The following VDR variants were observed in gnomAD, a reference collection of about 807,000 sequenced individuals.
VDR encodes vitamin D receptor.
In VDR, 19 loss-of-function variants were observed where a neutral mutation model predicts 39.7. That is an observed-to-expected ratio of 0.48 (90% CI 0.33 to 0.70). VDR has a LOEUF of 0.70. Ranked by LOEUF, VDR falls within the 30% of genes least tolerant of loss-of-function variation. The pLI, the probability that VDR is intolerant of heterozygous loss-of-function variation, is 0.02. For missense variants in VDR, 442 were observed against 570.5 expected, an observed-to-expected ratio of 0.77 and a Z score of 2.29; for synonymous variants, 242 against 215.8, an observed-to-expected ratio of 1.12 and a Z score of -1.07.
At chr12:47,856,895 T>C (rs1051960428) in intron 6 of VDR, among the ~76,000 whole-genome samples, 2 of 152,380 alleles carry the variant, frequency 1.3e-5, no homozygotes, top group African/African-American at 4.8e-5. Context: ...CCCGGGAGGC[T>C]GATGCTACAC....
At chr12:47,849,688 A>C (rs556468482) in intron 7 of VDR, among the ~76,000 whole-genome samples, 1 of 152,346 alleles carries the variant, frequency 6.6e-6, no homozygotes, top group African/African-American at 2.4e-5. Context: ...TAAAACACAA[A>C]AATGAACACC....
intron 4 of VDR, among the ~76,000 whole-genome samples, chr12:47,863,580 G>T (rs34725165): frequency 1.9e-3 from 297 of 152,328 alleles, no homozygotes; most frequent in African/African-American, 7.0e-3. Flanking sequence ...GAATGTGTGT[G>T]AAGCCTCTTA....
chr12:47,883,614 C>T (rs1475464140), intron 1 of VDR, among the ~76,000 whole-genome samples: 2 of 152,180 alleles, frequency 1.3e-5, no homozygotes, highest in African/African-American at 4.8e-5. Context: ...CATAGACAAA[C>T]AGACAGACAC....
chr12:47,896,817 T>G (rs1946472585), intron 1 of VDR: 1 of 152,320 alleles, frequency 6.6e-6, no homozygotes, highest in African/African-American at 2.4e-5. Flanking sequence ...CCAAAGAGGC[T>G]GGGCAGAAGT....
intron 2 of VDR, 139 bp from the exon 3 acceptor site, chr12:47,879,254 C>G: frequency 3.8e-6 from 4 of 1,042,648 alleles, no homozygotes; most frequent in Non-Finnish European, 5.4e-6. Context: ...GGGTGGGCAT[C>G]TCCCCAGGGC....
chr12:47,891,835 G>T (rs953158652), intron 1 of VDR, among the ~76,000 whole-genome samples: 1 of 152,276 alleles, frequency 6.6e-6, no homozygotes, highest in East Asian at 1.9e-4. Context: ...GGGACCTGAA[G>T]CTTGACTACC....
At chr12:47,858,833 A>G (rs1368124261) in intron 4 of VDR, among the ~76,000 whole-genome samples, 1 of 152,206 alleles carries the variant, frequency 6.6e-6, no homozygotes, top group Non-Finnish European at 1.5e-5. Context: ...AGAAAGGTCC[A>G]TTGGCCCAGG....
rs150035639 is a variant in VDR at position 47,879,764 on chromosome 12, C to G, written c.-2-649G>C. ...ACAATCAACATTTCAAGATATTTCC[C>G]CCCCCTTTTTTTGGCAATAACACTT... On this transcript the variant is annotated intron_variant, in intron 2 of 9. Coordinates refer to ENST00000549336, the MANE Select transcript of VDR (RefSeq NM_000376.3). 1.2e-4 allele frequency among the ~76,000 whole-genome samples: 19 copies of G among 152,292 alleles called. No individual in the cohort carries two copies. The East Asian group carries it at 3.7e-3, about 29-fold the overall frequency.
intron 3 of VDR, among the ~76,000 whole-genome samples, chr12:47,874,398 T>G (rs1213650040): frequency 2.0e-5 from 3 of 152,220 alleles, no homozygotes; most frequent in African/African-American, 7.2e-5. Flanking sequence ...CTGCCCTATT[T>G]CTCTGCTTCC....
At chr12:47,898,514 C>T (rs1388704680) in intron 1 of VDR, 1 of 153,146 alleles carries the variant, frequency 6.5e-6, no homozygotes, top group Non-Finnish European at 1.5e-5. Flanking sequence ...GGTATGTGCC[C>T]TACAGAAATT....
chr12:47,904,439 C>G (rs1946628094), intron 1 of VDR: 1 of 703,710 alleles, frequency 1.4e-6, no homozygotes, highest in Non-Finnish European at 2.1e-6. Flanking sequence ...TAGGTCTAAA[C>G]TCATTGGTAG....
intron 1 of VDR, among the ~76,000 whole-genome samples, chr12:47,902,041 G>A (rs1194794595): frequency 1.3e-5 from 2 of 152,222 alleles, no homozygotes; most frequent in African/African-American, 4.8e-5. Flanking sequence ...TTTCCCTTGA[G>A]CATTAAGCCT....
intron 4 of VDR, among the ~76,000 whole-genome samples, chr12:47,862,306 G>A (rs1364401485): frequency 6.6e-6 from 1 of 152,216 alleles, no homozygotes; most frequent in Non-Finnish European, 1.5e-5. Context: ...GCCTGGAAAT[G>A]CACAATGGAG....
chr12:47,892,828 T>G (rs748004952), intron 1 of VDR, among the ~76,000 whole-genome samples: 1 of 152,194 alleles, frequency 6.6e-6, no homozygotes, highest in Non-Finnish European at 1.5e-5. Context: ...TGCCTCATCT[T>G]GGTGAGAAAA....
At chr12:47,885,749 T>C (rs1014581261) in intron 1 of VDR, among the ~76,000 whole-genome samples, 1 of 152,184 alleles carries the variant, frequency 6.6e-6, no homozygotes, top group Non-Finnish European at 1.5e-5. Flanking sequence ...CAGGCTAGAG[T>C]GCAGTTGCAC....
intron 6 of VDR, among the ~76,000 whole-genome samples, chr12:47,856,553 TA>T (rs1169710785): frequency 1.4e-5 from 2 of 145,644 alleles, no homozygotes; most frequent in African/African-American, 5.1e-5. Flanking sequence ...CAATGCCATA[TA>T]AAAAAAAGCA....
chr12:47,854,323 C>T (rs1343865969), intron 7 of VDR, among the ~76,000 whole-genome samples: 2 of 151,772 alleles, frequency 1.3e-5, no homozygotes, highest in Non-Finnish European at 2.9e-5. Context: ...GAAGAGGTCT[C>T]ACTATGTTGA....
chr12:47,852,776 G>A (rs890598689), intron 7 of VDR, among the ~76,000 whole-genome samples: 2 of 152,148 alleles, frequency 1.3e-5, no homozygotes, highest in African/African-American at 2.4e-5. Flanking sequence ...TCACTGGCAA[G>A]GCATTAATTT....
chr12:47,846,240 T>C lies in VDR; in HGVS notation c.1024+95A>G, dbSNP rs547144319. 36 of 1,023,080 alleles carry C rather than the reference T, an allele frequency of 3.5e-5. No individual in the cohort carries two copies. The Admixed American group carries it at 3.6e-4, about 10-fold the overall frequency. 63.4% of individuals were successfully genotyped at this position (1,023,080 alleles called of 1,614,324 possible). A position where few individuals can be genotyped will look rare whatever the true frequency, so the allele number is the denominator to read the frequency against. On this transcript the variant is annotated intron_variant, in intron 9 of 9. Coordinates refer to ENST00000549336, the MANE Select transcript of VDR (RefSeq NM_000376.3). ...TATCTGTGTCTCCTTTTGCTACGTC[T>C]CCCTTCAGGTTGCCCAGCTGGCCCT... is the stretch of plus-strand genomic sequence containing the variant.
Sources: gnomAD v4.1 joint callset for allele counts (sites outside exome capture counted in the v4.1 genomes callset) on GRCh38, gnomAD v4.1.1 for gene constraint, MANE v1.5 for transcripts, NCBI Gene and HGNC (gene_info 2026-07-23, HGNC 2026-07-21) for gene names.